ZNF462: variants seen among roughly 807,000 people sequenced by gnomAD.
ZNF462 encodes zinc finger PBX1-interacting protein.
In ZNF462, 10 loss-of-function variants were observed where a neutral mutation model predicts 201.9. The ratio of observed to expected loss-of-function variants is 0.05; its 90% CI spans 0.03 to 0.08. The LOEUF (loss-of-function observed/expected upper bound fraction) is 0.08, where lower values mean the gene tolerates loss of function less well. ZNF462 is among the 10% of genes least tolerant of loss of function. The pLI, the probability that ZNF462 is intolerant of heterozygous loss-of-function variation, is 1.00. For missense variants in ZNF462, 2,523 were observed against 3,168.3 expected (o/e 0.80, Z 4.89); for synonymous variants, 1,227 against 1,193.3 (o/e 1.03, Z -0.58).
Position 106,972,386 on chromosome 9 carries a change from G to A in ZNF462, c.6695+114G>A, listed in dbSNP as rs1826668538. 7.0e-7 allele frequency: 1 copy of A among 1,437,336 alleles called. No individual in the cohort carries two copies. The allele number at this position is 1,437,336 out of a possible 1,614,324, so 89.0% of individuals were successfully genotyped here. On this transcript the variant is annotated intron_variant, in intron 8 of 12. Transcript: ENST00000277225. The surrounding 1 kb of genome is among the most constrained non-coding windows in gnomAD (Gnocchi z 4.8). ...GGAGCTTATGGGAGGCCCTGCCCAT[G>A]TGATGATGTAGGGGTTGGGTCCAGG...
intron 6 of ZNF462, among the ~76,000 whole-genome samples, chr9:106,937,956 A>G (rs1830700978): frequency 6.6e-6 from 1 of 152,212 alleles, no homozygotes; most frequent in Admixed American, 6.5e-5. Context: ...GGTTGGAAAC[A>G]TGAGCATTTC....
chr9:107,011,014 A>G lies in ZNF462; in HGVS notation c.7505A>G (p.Glu2502Gly). 2 of 1,613,446 alleles carry G rather than the reference A, an allele frequency of 1.2e-6. No individual in the cohort carries two copies. The highest frequency in any genetic ancestry group is 2.2e-5 in the South Asian group (2 of 91,056). The part of the protein sequence containing the change: ...TADKSLLENA[E>G]AKKE Reference sequence around the variant, plus strand: ...GACAAATCTCTCCTGGAGAATGCAGAGGCCAAAAAAGAATGAGCGTTTGGT... The same window carrying G: ...GACAAATCTCTCCTGGAGAATGCAGGGGCCAAAAAAGAATGAGCGTTTGGT... Residue 2502 changes from glutamate (E) to glycine (G), a missense_variant, in exon 13 of 13, where the codon GAG (glutamate) becomes GGG (glycine). Coordinates refer to ENST00000277225, the MANE Select transcript of ZNF462 (RefSeq NM_021224.6). This position sits in a 1 kb window ranked among gnomAD's most constrained non-coding sequence, Gnocchi z 5.6.
In ZNF462 at chr9:106,927,980, C is replaced by G; in HGVS notation, c.4068C>G (p.Ser1356=). The G allele has an allele frequency of 3.1e-6, 5 of 1,614,098 alleles. No homozygotes were observed. The highest frequency in any genetic ancestry group is 4.2e-6 in the Non-Finnish European group (5 of 1,180,008). The change falls in exon 3 of 13, where the codon TCC becomes TCG. Residue 1356 remains serine (S), a synonymous_variant. Transcript: ENST00000277225. ...ATKLWAGPDP[S]PPSLTMPAEA... is the part of the protein sequence containing the mutation. ...AACTGTGGGCTGGGCCAGACCCATC[C>G]CCTCCCTCTCTCACAATGCCAGCCG...
rs529462570 is a variant in ZNF462, at chr9:106,888,333, G to T, written c.-31+24978G>T. On this transcript the variant is annotated intron_variant, in intron 1 of 12. Coordinates refer to ENST00000277225, the MANE Select transcript of ZNF462 (RefSeq NM_021224.6). Reference sequence around the variant, plus strand: ...TGGGATTACAGGCGTGAGCCACCGCGCCCGGCCAAATGTGGATTTAGATCT... The same window carrying T: ...TGGGATTACAGGCGTGAGCCACCGCTCCCGGCCAAATGTGGATTTAGATCT... 2.0e-5 allele frequency among the ~76,000 whole-genome samples: 3 copies of T among 152,278 alleles called. No individual in the cohort carries two copies. In the South Asian group the frequency reaches 6.2e-4, roughly 32 times the overall value.
At chr9:106,945,870 C>T (rs1831082435) in intron 7 of ZNF462, among the ~76,000 whole-genome samples, 1 of 152,202 alleles carries the variant, frequency 6.6e-6, no homozygotes, top group South Asian at 2.1e-4. Flanking sequence ...TAAGACTCTG[C>T]CTCAGTGGCA....
intron 7 of ZNF462, among the ~76,000 whole-genome samples, chr9:106,944,403 A>G (rs1395317009): frequency 1.3e-5 from 2 of 152,210 alleles, no homozygotes; most frequent in Non-Finnish European, 2.9e-5. Context: ...TTTTCTAAAC[A>G]TTAGAGATTG....
At chr9:106,906,537 A>C (rs1358567768) in intron 1 of ZNF462, among the ~76,000 whole-genome samples, 1 of 152,228 alleles carries the variant, frequency 6.6e-6, no homozygotes, top group African/African-American at 2.4e-5. Flanking sequence ...GAGTTTCTAA[A>C]ATCACTGAAT....
intron 10 of ZNF462, among the ~76,000 whole-genome samples, chr9:106,990,029 T>C (rs562345801): frequency 3.3e-5 from 5 of 152,180 alleles, no homozygotes; most frequent in South Asian, 2.1e-4. Flanking sequence ...TTTTGTTTGT[T>C]TGTTTCAATT....
In ZNF462 at chr9:106,981,087, G is replaced by T. The variant is rs187883709; in HGVS notation, c.6833-3099G>T. Among the ~76,000 whole-genome samples the T allele has an allele frequency of 3.5e-3, 525 of 152,124 alleles. 4 individuals carry two copies. The highest frequency in any genetic ancestry group is 0.011 in the African/African-American group (455 of 41,500). ...CATGTTAACCATGTTTTTAGAAAGG[G>T]GAAAAAGCTAACTTTTTTTCTAAAA... On this transcript the variant is annotated intron_variant, in intron 9 of 12. Coordinates refer to ENST00000277225, the MANE Select transcript of ZNF462 (RefSeq NM_021224.6). The surrounding 1 kb of genome is among the most constrained non-coding windows in gnomAD (Gnocchi z 4.0).
rs1419810055 is a variant in ZNF462, at chr9:107,008,134, C to G, written c.7190-1411C>G. On this transcript the variant is annotated intron_variant, in intron 11 of 12. Transcript: ENST00000277225. The surrounding 1 kb of genome is among the most constrained non-coding windows in gnomAD (Gnocchi z 4.8). ...ATTAACCCAAGCAGAATCCTCCCCACCCCCCTCTCATTATGCAGTTGGGGA... is the reference window on the plus strand; with the variant it reads ...ATTAACCCAAGCAGAATCCTCCCCAGCCCCCTCTCATTATGCAGTTGGGGA... Among the ~76,000 whole-genome samples, 1 of 152,032 alleles carries G rather than the reference C, an allele frequency of 6.6e-6. No individual in the cohort carries two copies. Among genetic ancestry groups the G allele is most frequent in the African/African-American group, 2.4e-5 (1 of 41,406 alleles).
intron 10 of ZNF462, among the ~76,000 whole-genome samples, chr9:106,992,905 T>C (rs939357434): frequency 9.9e-5 from 15 of 152,110 alleles, no homozygotes; most frequent in African/African-American, 3.4e-4. Flanking sequence ...TCAATAAATG[T>C]TAATTTCCTG....
rs928572555 is a variant in ZNF462 at position 107,012,926 on chromosome 9, T to C, written c.*1896T>C. 1 of 152,100 alleles carries C rather than the reference T, an allele frequency of 6.6e-6. No homozygotes were observed. Among genetic ancestry groups the C allele is most frequent in the Non-Finnish European group, 1.5e-5 (1 of 68,004 alleles). 9.4% of individuals were successfully genotyped at this position (152,100 alleles called of 1,614,324 possible). ...TATTTGTAGGATGTTTGTTTTAATTTAATTTTTTTAAGGGATGGGGGCCAT... is the reference window on the plus strand; with the variant it reads ...TATTTGTAGGATGTTTGTTTTAATTCAATTTTTTTAAGGGATGGGGGCCAT... On this transcript the variant is annotated 3_prime_UTR_variant, in exon 13 of 13. Transcript: ENST00000277225.
At chr9:106,948,767 T>G (rs1304230839) in intron 7 of ZNF462, among the ~76,000 whole-genome samples, 3 of 152,068 alleles carry the variant, frequency 2.0e-5, no homozygotes, top group African/African-American at 7.2e-5. Flanking sequence ...TTACTATAGC[T>G]TTGAAATATA....
rs1241565904 is a variant in ZNF462, at chr9:106,954,694, T to A, written c.6427+15587T>A. 6.6e-6 allele frequency among the ~76,000 whole-genome samples: 1 copy of A among 152,116 alleles called. No homozygotes were observed. Among genetic ancestry groups the A allele is most frequent in the Non-Finnish European group, 1.5e-5 (1 of 68,038 alleles). On this transcript the variant is annotated intron_variant, in intron 7 of 12. Coordinates refer to ENST00000277225, the MANE Select transcript of ZNF462 (RefSeq NM_021224.6). The surrounding 1 kb of genome is among the most constrained non-coding windows in gnomAD (Gnocchi z 4.0). ...CATCTCCACATGCCCAGGTACTACCTGTCTTTCAAAGCCACTTGCAAATTC... is the reference window on the plus strand; with the variant it reads ...CATCTCCACATGCCCAGGTACTACCAGTCTTTCAAAGCCACTTGCAAATTC...
At chr9:106,916,500 A>G (rs1178277562) in intron 1 of ZNF462, among the ~76,000 whole-genome samples, 7 of 152,218 alleles carry the variant, frequency 4.6e-5, no homozygotes, top group Non-Finnish European at 8.8e-5. Context: ...AAACCCAGCC[A>G]GCATTCTGAA....
At chr9:106,996,681 A>T (rs562540292) in intron 10 of ZNF462, among the ~76,000 whole-genome samples, 6 of 152,104 alleles carry the variant, frequency 3.9e-5, no homozygotes, top group African/African-American at 1.4e-4. Flanking sequence ...TTTCTTGTAA[A>T]TTTGTTTAAG....
chr9:106,921,538 T>C (rs1038756795), intron 1 of ZNF462, among the ~76,000 whole-genome samples: 1 of 152,202 alleles, frequency 6.6e-6, no homozygotes, highest in Non-Finnish European at 1.5e-5. Flanking sequence ...TTAGTGAGTC[T>C]TAGAGCTTCA....
intron 1 of ZNF462, among the ~76,000 whole-genome samples, chr9:106,915,336 T>C (rs1829728095): frequency 6.6e-6 from 1 of 152,160 alleles, no homozygotes; most frequent in Admixed American, 6.5e-5. Context: ...CTGAGCACTG[T>C]AGTGTTTTCA....
intron 7 of ZNF462, among the ~76,000 whole-genome samples, chr9:106,960,173 T>G (rs1236273732): frequency 6.6e-6 from 1 of 152,100 alleles, no homozygotes; most frequent in Admixed American, 6.6e-5. Context: ...GTAGCATCAC[T>G]TAGAGCTCTA....
Sources: gnomAD v4.1 joint callset for allele counts (sites outside exome capture counted in the v4.1 genomes callset) on GRCh38, gnomAD v4.1.1 for gene constraint, Gnocchi (gnomAD v3.1) non-coding constraint, MANE v1.5 for transcripts, NCBI Gene and HGNC (gene_info 2026-07-23, HGNC 2026-07-21) for gene names.